Variants in CHTF18 observed in about 807,000 individuals in gnomAD.
CHTF18 encodes chromosome transmission fidelity protein 18 homolog.
Under a neutral mutation model 113.4 loss-of-function variants are expected in CHTF18, and 151 were observed. The ratio of observed to expected loss-of-function variants is 1.33; its 90% CI spans 1.17 to 1.52. CHTF18 has a LOEUF of 1.52. Ranked by LOEUF, CHTF18 falls within the 40% of genes most tolerant of loss-of-function variation. The pLI is 0.00. For synonymous variants in CHTF18, 916 were observed against 598.8 expected (o/e 1.53, Z -7.74); for missense variants, 1,982 against 1,381.6 (o/e 1.43, Z -6.89).
chr16:789,692 G>C lies in CHTF18; in HGVS notation c.583G>C (p.Asp195His), dbSNP rs925852488. 6.3e-7 allele frequency: 1 copy of C among 1,597,232 alleles called. No homozygotes were observed. Among genetic ancestry groups the C allele is most frequent in the Non-Finnish European group, 8.5e-7 (1 of 1,177,838 alleles). ...GVRAYLVLRADPMAPGVQGSL... is the reference protein window; with the variant it reads ...GVRAYLVLRAHPMAPGVQGSL... ...CCGGGCTTATCTGGTGCTGCGTGCT[G>C]ACCCCATGGCCCCGGGGGTGCAGGT... Residue 195 changes from aspartate (D) to histidine (H), a missense_variant, in exon 4 of 22, where the codon GAC (aspartate) becomes CAC (histidine). Asp to His is a moderately conservative substitution (Grantham distance 81). Transcript: ENST00000262315.
At position 790,532 on chromosome 16, in the gene CHTF18, T is replaced by C. The variant is rs143450560; in HGVS notation, c.760T>C (p.Ser254Pro). 7.0e-4 allele frequency: 1,113 copies of C among 1,600,368 alleles called. 7 individuals carry two copies. The African/African-American group carries it at 0.014, about 20-fold the overall frequency. ...GGACGTGGTCCTCTCCAGTCTCAGG[T>C]CGGGGGAGGAGGAGGCAGCCCAGCC... is the stretch of plus-strand genomic sequence containing the variant. ...KLSDTLHSLR[S>P]GEEEAAQPLG... The change falls in exon 7 of 22, where the codon TCG becomes CCG. Residue 254 changes from serine to proline, a missense_variant. Transcript: ENST00000262315.
At chr16:792,853 G>C in intron 12 of CHTF18, 42 bp downstream of exon 12, 2 of 1,533,626 alleles carry the variant, frequency 1.3e-6, no homozygotes, top group Non-Finnish European at 1.8e-6. Context: ...TGGCGGGGTT[G>C]GGGGCGTGGC....
rs742317 is a variant in CHTF18 at position 796,798 on chromosome 16, C to T, written c.2538C>T (p.Arg846=). 9,697 of 1,611,212 alleles carry T rather than the reference C, an allele frequency of 6.0e-3. 372 individuals carry two copies. In the Admixed American group the frequency reaches 0.086, roughly 14 times the overall value. ...ACCAGACGAAGCAGCTCATCGCCCG[C>T]GAGATCGAGGTGGAGAAGATGCGGC... is the stretch of plus-strand genomic sequence containing the variant. ...LTYQTKQLIA[R]EIEVEKMRRA... is the part of the protein sequence containing the mutation. Residue 846 remains arginine, a synonymous_variant, in exon 19 of 22, where the codon CGC becomes CGT. Transcript: ENST00000262315.
rs770120244 is a variant in CHTF18, at chr16:796,985, G to A, written c.2626G>A (p.Glu876Lys). 31 of 1,536,122 alleles carry A rather than the reference G, an allele frequency of 2.0e-5. No homozygotes were observed. The East Asian group carries it at 2.3e-4, about 11-fold the overall frequency. Residue 876 changes from glutamate (E) to lysine (K), a missense_variant, in exon 20 of 22, where the codon GAG becomes AAG. Glu to Lys is a moderately conservative substitution (Grantham distance 56). Transcript: ENST00000262315. ...PQVDGSPPGL[E>K]GLLGGIGEKG... ...GGTGGATGGGAGCCCCCCAGGGCTCGAGGGTCTGCTGGGGGGCATTGGGGA... is the reference window on the plus strand; with the variant it reads ...GGTGGATGGGAGCCCCCCAGGGCTCAAGGGTCTGCTGGGGGGCATTGGGGA...
chr16:798,039 G>C lies in CHTF18; in HGVS notation c.*64G>C. On this transcript the variant is annotated 3_prime_UTR_variant, in exon 22 of 22. Coordinates refer to ENST00000262315, the MANE Select transcript of CHTF18 (RefSeq NM_022092.3). ...CAGAGTGCAGAGACAGGAAGCTGGA[G>C]ATGTCTTTATAAAGTCACACCTTTA... is the stretch of plus-strand genomic sequence containing the variant. 6.4e-7 allele frequency: 1 copy of C among 1,553,368 alleles called. No homozygotes were observed. Among genetic ancestry groups the C allele is most frequent in the East Asian group, 2.3e-5 (1 of 44,138 alleles).
Position 795,930 on chromosome 16 carries a change from T to G in CHTF18, c.2326-17T>G. On this transcript the variant is annotated splice_polypyrimidine_tract_variant and intron_variant, in intron 17 of 21. Coordinates refer to ENST00000262315, the MANE Select transcript of CHTF18 (RefSeq NM_022092.3). ...ACAGCCTGCTCAGCTCCCTGTCTGC[T>G]GCCTCCCATCCCCTAGGTGAGCACA... 6.2e-7 allele frequency: 1 copy of G among 1,603,584 alleles called. No homozygotes were observed. Among genetic ancestry groups the G allele is most frequent in the Non-Finnish European group, 8.5e-7 (1 of 1,173,486 alleles).
At chr16:793,984 C>T (rs372350685) in intron 14 of CHTF18, 70 bp from the exon 15 acceptor site, 3 of 1,543,876 alleles carry the variant, frequency 1.9e-6, no homozygotes, top group East Asian at 2.3e-5. Context: ...CTCTGAGTGT[C>T]CCGGGGAGAC....
At chr16:790,111 TGGG>T in intron 4 of CHTF18, 63 bp from the exon 5 acceptor site, 1 of 1,543,430 alleles carries the variant, frequency 6.5e-7, no homozygotes, top group Non-Finnish European at 8.7e-7. Context: ...TGAGCACTGA[TGGG>T]GGCTGACGTG....
rs745634379 is a variant in CHTF18 at position 795,403 on chromosome 16, C to CT, written c.2175+47_2175+48insT. 42 of 1,465,888 alleles carry CT rather than the reference C, an allele frequency of 2.9e-5. No homozygotes were observed. In the African/African-American group the frequency reaches 4.2e-4, roughly 15 times the overall value. 90.8% of individuals were successfully genotyped at this position (1,465,888 alleles called of 1,614,324 possible). A position where few individuals can be genotyped will look rare whatever the true frequency, so the allele number is the denominator to read the frequency against. On this transcript the variant is annotated intron_variant, in intron 16 of 21. Coordinates refer to ENST00000262315, the MANE Select transcript of CHTF18 (RefSeq NM_022092.3). The stretch of plus-strand genomic sequence containing the variant: ...GCCTGCCCCCGGCCCCGTGCCCGCC[C>CT]CCCTGTGCTGCCCGTGTGGCTGCCC...
chr16:794,252 G>A (rs2042278577), intron 15 of CHTF18, 51 bp downstream of exon 15: 3 of 1,583,700 alleles, frequency 1.9e-6, no homozygotes, highest in East Asian at 4.5e-5. Flanking sequence ...GCTAGGACCT[G>A]GGCTGTGCCC....
rs752242375 is a variant in CHTF18, at chr16:791,886, G to A, written c.1140G>A (p.Lys380=). 1 of 1,609,196 alleles carries A rather than the reference G, an allele frequency of 6.2e-7. No individual in the cohort carries two copies. The highest frequency in any genetic ancestry group is 8.5e-7 in the Non-Finnish European group (1 of 1,178,626). Residue 380 remains lysine (K), a synonymous_variant, in exon 9 of 22, where the codon AAG becomes AAA. Coordinates refer to ENST00000262315, the MANE Select transcript of CHTF18 (RefSeq NM_022092.3). ...ALLCGPPGLG[K]TTLAHVIARH... ...TCTGTGGGCCCCCGGGGCTGGGGAA[G>A]ACCACCCTGGCACACGTGATTGCGC...
In CHTF18 at chr16:789,619, G is replaced by T; in HGVS notation, c.510G>T (p.Arg170=). The part of the protein sequence containing the change: ...SPAARNPVLR[R]PPILEDYVHV... ...CTGCCCGCAATCCCGTCCTGAGGCG[G>T]CCCCCCATCTTGGAGGACTACGTCC... is the stretch of plus-strand genomic sequence containing the variant. The change falls in exon 4 of 22, where the codon CGG becomes CGT. Residue 170 remains arginine, a synonymous_variant. Coordinates refer to ENST00000262315, the MANE Select transcript of CHTF18 (RefSeq NM_022092.3). The T allele has an allele frequency of 6.2e-7, 1 of 1,608,782 alleles. No individual in the cohort carries two copies. The highest frequency in any genetic ancestry group is 8.5e-7 in the Non-Finnish European group (1 of 1,179,762).
Position 788,679 on chromosome 16 carries a change from G to C in CHTF18, c.-6G>C, listed in dbSNP as rs2042063100. ...TTCGGAGCGGGAGCTCGGGCTCGCG[G>C]ACGGTATGGAGGACTACGAGCAGGA... On this transcript the variant is annotated 5_prime_UTR_variant, in exon 1 of 22. Transcript: ENST00000262315. 6.5e-7 allele frequency: 1 copy of C among 1,538,794 alleles called. No individual in the cohort carries two copies. Among genetic ancestry groups the C allele is most frequent in the Non-Finnish European group, 8.7e-7 (1 of 1,146,330 alleles).
intron 9 of CHTF18, 26 bp from the exon 10 acceptor site, chr16:792,198 G>C: frequency 6.4e-7 from 1 of 1,560,046 alleles, no homozygotes; most frequent in Non-Finnish European, 8.7e-7. Context: ...CCACTGCCCT[G>C]ACGACCCCTG....
Position 797,297 on chromosome 16 carries a change from AGGGGTGGGGCCAAGGCACCCAT to A in CHTF18, c.2733+218_2733+239del, listed in dbSNP as rs1446129251. Among the ~76,000 whole-genome samples the A allele has an allele frequency of 2.4e-4, 20 of 84,016 alleles. No homozygotes were observed. The South Asian group carries it at 4.8e-3, about 20-fold the overall frequency. The allele number at this position is 84,016 out of a possible 152,430, so 55.1% of individuals were successfully genotyped here. ...CATGAGGCGGGGCCAGGGTATCTTT[AGGGGTGGGGCCAAGGCACCCAT>A]GGGGTGGGGCCAGGGTACCTTTGGG... On this transcript the variant is annotated intron_variant, in intron 20 of 21. Transcript: ENST00000262315.
At chr16:791,624 C>T (rs1477673173) in intron 8 of CHTF18, 5 of 1,430,276 alleles carry the variant, frequency 3.5e-6, no homozygotes, top group African/African-American at 2.9e-5. Context: ...GGGCCAGTCA[C>T]ACTGGTATCA....
At chr16:791,050 C>A in intron 7 of CHTF18, 111 bp from the exon 8 acceptor site, 2 of 1,493,720 alleles carry the variant, frequency 1.3e-6, no homozygotes, top group Non-Finnish European at 1.8e-6. Flanking sequence ...GGTGGCCATT[C>A]ATCCTGTGGC....
chr16:792,115 C>T (rs1167844051), intron 9 of CHTF18, 109 bp from the exon 10 acceptor site: 1 of 1,525,604 alleles, frequency 6.6e-7, no homozygotes, highest in Non-Finnish European at 8.8e-7. Flanking sequence ...GGATCGGCAG[C>T]AGCCGCGTCA....
rs1219782132 is a variant in CHTF18, at chr16:798,055, C to A, written c.*80C>A. The A allele has an allele frequency of 1.7e-5, 26 of 1,512,764 alleles. No individual in the cohort carries two copies. Among genetic ancestry groups the A allele is most frequent in the Non-Finnish European group, 2.3e-5 (26 of 1,122,180 alleles). 93.7% of individuals were successfully genotyped at this position (1,512,764 alleles called of 1,614,324 possible). A position where few individuals can be genotyped will look rare whatever the true frequency, so the allele number is the denominator to read the frequency against. On this transcript the variant is annotated 3_prime_UTR_variant, in exon 22 of 22. Transcript: ENST00000262315. Reference sequence around the variant, plus strand: ...GAAGCTGGAGATGTCTTTATAAAGTCACACCTTTACAGACTGTAATCACGT... The same window carrying A: ...GAAGCTGGAGATGTCTTTATAAAGTAACACCTTTACAGACTGTAATCACGT...
Sources: gnomAD v4.1 joint callset for allele counts (sites outside exome capture counted in the v4.1 genomes callset) on GRCh38, gnomAD v4.1.1 for gene constraint, MANE v1.5 for transcripts, NCBI Gene and HGNC (gene_info 2026-07-23, HGNC 2026-07-21) for gene names.